The following PCDH9 variants were observed in gnomAD, a reference collection of about 807,000 sequenced individuals.
The protein encoded by PCDH9 is protocadherin 9.
In PCDH9, 24 loss-of-function variants were observed where a neutral mutation model predicts 70.6. The observed-to-expected ratio is 0.34, with a 90% CI of 0.25 to 0.48. PCDH9 has a LOEUF of 0.48. PCDH9 is among the 20% of genes least tolerant of loss of function. The pLI is 0.99. For missense variants in PCDH9, 1,281 were observed against 1,503.6 expected (o/e 0.85, Z 2.45); for synonymous variants, 562 against 558.5 (o/e 1.01, Z -0.09).
intron 4 of PCDH9, among the ~76,000 whole-genome samples, chr13:66,349,137 C>A (rs927232375): frequency 7.9e-5 from 12 of 152,308 alleles, no homozygotes; most frequent in African/African-American, 2.9e-4. Flanking sequence ...TAGAGGCCTG[C>A]TGGCATGAAG....
intron 2 of PCDH9, among the ~76,000 whole-genome samples, chr13:66,932,659 C>CACATATATATATATAT (rs1555287813): frequency 1.5e-5 from 2 of 130,356 alleles, no homozygotes; most frequent in African/African-American, 3.2e-5. Context: ...TAAATCCTCA[C>CACATATATATATATAT]ATATATATAT....
In PCDH9 at chr13:66,555,306, T is replaced by C. The variant is rs560859972; in HGVS notation, c.3340+75904A>G. ...TTCAAGTGTTTTTTGTGTCTTTTTA[T>C]AGATTCTCTAATATAATTAATGGAA... On this transcript the variant is annotated intron_variant, in intron 4 of 4. Coordinates refer to ENST00000377865, the MANE Select transcript of PCDH9 (RefSeq NM_203487.3). Among the ~76,000 whole-genome samples, 7 of 152,206 alleles carry C rather than the reference T, an allele frequency of 4.6e-5. No individual in the cohort carries two copies. In the South Asian group the frequency reaches 1.5e-3, roughly 32 times the overall value.
intron 4 of PCDH9, among the ~76,000 whole-genome samples, chr13:66,599,065 C>T (rs1240124558): frequency 2.6e-5 from 4 of 151,364 alleles, no homozygotes; most frequent in Non-Finnish European, 4.4e-5. Context: ...GAGTTATTTC[C>T]TTTTTTGTAA....
chr13:66,605,820 G>A (rs147981088), intron 4 of PCDH9, among the ~76,000 whole-genome samples: 15 of 151,760 alleles, frequency 9.9e-5, no homozygotes, highest in East Asian at 1.9e-4. Context: ...TTCTAGTGTC[G>A]GATAGTAAGA....
intron 3 of PCDH9, among the ~76,000 whole-genome samples, chr13:66,858,389 T>C (rs942176273): frequency 6.6e-6 from 1 of 152,322 alleles, no homozygotes; most frequent in Admixed American, 6.5e-5. Flanking sequence ...CCAAATTCGT[T>C]AGATGACATA....
chr13:66,656,781 A>G (rs1267714423), intron 3 of PCDH9, among the ~76,000 whole-genome samples: 1 of 152,166 alleles, frequency 6.6e-6, no homozygotes, highest in East Asian at 1.9e-4. Flanking sequence ...CAAGTTTGAA[A>G]TTTTTTTATG....
chr13:66,391,616 T>C (rs896275955), intron 4 of PCDH9, among the ~76,000 whole-genome samples: 2 of 152,112 alleles, frequency 1.3e-5, no homozygotes, highest in African/African-American at 2.4e-5. Context: ...GTATCATGAA[T>C]TGCAATTTTT....
At position 66,304,628 on chromosome 13, in the gene PCDH9, A is replaced by T; in HGVS notation, c.*27T>A. 1 of 1,588,390 alleles carries T rather than the reference A, an allele frequency of 6.3e-7. No individual in the cohort carries two copies. ...ACACGGTATTAGCATGTCTATTTAA[A>T]GTTATTAGGTCCCATATAGCCTTTT... On this transcript the variant is annotated 3_prime_UTR_variant, in exon 5 of 5. Transcript: ENST00000377865.
rs112438319 is a variant in PCDH9 at position 66,383,621 on chromosome 13, C to T, written c.3341-78593G>A. ...TAAAATAACATATACAAATCCTTTG[C>T]TATGTTTCATTGATGAGCTAAAATC... On this transcript the variant is annotated intron_variant, in intron 4 of 4. Transcript: ENST00000377865. 4.2e-3 allele frequency among the ~76,000 whole-genome samples: 634 copies of T among 152,266 alleles called. 3 individuals are homozygous for T. Among genetic ancestry groups the T allele is most frequent in the African/African-American group, 0.014 (602 of 41,560 alleles).
chr13:66,606,137 C>T (rs1232532197), intron 4 of PCDH9, among the ~76,000 whole-genome samples: 2 of 151,790 alleles, frequency 1.3e-5, no homozygotes, highest in Admixed American at 1.3e-4. Flanking sequence ...TTTTTTTTCC[C>T]CATGCAAAAC....
intron 2 of PCDH9, among the ~76,000 whole-genome samples, chr13:67,012,654 A>G (rs542535081): frequency 6.6e-6 from 1 of 152,016 alleles, no homozygotes; most frequent in African/African-American, 2.4e-5. Flanking sequence ...CATTTCATGA[A>G]CAGAAGAGAC....
chr13:66,814,151 C>T (rs572460642), intron 3 of PCDH9, among the ~76,000 whole-genome samples: 1 of 152,068 alleles, frequency 6.6e-6, no homozygotes, highest in African/African-American at 2.4e-5. Flanking sequence ...AGGTACTTAA[C>T]GCTCTTTTTA....
intron 2 of PCDH9, among the ~76,000 whole-genome samples, chr13:67,002,322 T>C (rs1344063879): frequency 6.6e-6 from 1 of 152,088 alleles, no homozygotes. Context: ...ACTTCCTAAT[T>C]AAACTCAAAT....
Position 67,005,540 on chromosome 13 carries a change from A to G in PCDH9, c.3037-101935T>C, listed in dbSNP as rs138841876. Among the ~76,000 whole-genome samples the G allele has an allele frequency of 1.7e-4, 26 of 152,258 alleles. No homozygotes were observed. The East Asian group carries it at 4.1e-3, about 24-fold the overall frequency. On this transcript the variant is annotated intron_variant, in intron 2 of 4. Transcript: ENST00000377865. ...TTAGGAATACCTTTCACTTTCCCCAAATATTCCGTGTATGCTCACTATGTT... is the reference window on the plus strand; with the variant it reads ...TTAGGAATACCTTTCACTTTCCCCAGATATTCCGTGTATGCTCACTATGTT...
At chr13:66,781,267 C>T (rs780909885) in intron 3 of PCDH9, among the ~76,000 whole-genome samples, 1 of 152,082 alleles carries the variant, frequency 6.6e-6, no homozygotes, top group Non-Finnish European at 1.5e-5. Context: ...TAGCTGAATG[C>T]GTGTAAGTCA....
At chr13:66,678,580 T>C (rs966564353) in intron 3 of PCDH9, among the ~76,000 whole-genome samples, 2 of 152,042 alleles carry the variant, frequency 1.3e-5, no homozygotes, top group Non-Finnish European at 2.9e-5. Flanking sequence ...AACTAAATAA[T>C]GGTTGATACT....
intron 2 of PCDH9, among the ~76,000 whole-genome samples, chr13:67,032,267 G>A (rs761263191): frequency 9.2e-5 from 14 of 151,832 alleles, no homozygotes; most frequent in Admixed American, 2.0e-4. Flanking sequence ...CCTCAACCTC[G>A]CAAGTAGCTG....
At chr13:66,502,518 A>T (rs1959182021) in intron 4 of PCDH9, among the ~76,000 whole-genome samples, 2 of 152,150 alleles carry the variant, frequency 1.3e-5, no homozygotes, top group Non-Finnish European at 2.9e-5. Context: ...CTATAAAAAA[A>T]TTTGTCATTT....
At chr13:66,509,678 C>A (rs1221922285) in intron 4 of PCDH9, among the ~76,000 whole-genome samples, 1 of 152,094 alleles carries the variant, frequency 6.6e-6, no homozygotes, top group Non-Finnish European at 1.5e-5. Flanking sequence ...GTCTCAAACT[C>A]CTGGGCTCAA....
Sources: allele counts gnomAD v4.1 joint callset (sites outside exome capture counted in the v4.1 genomes callset), GRCh38; gene constraint gnomAD v4.1.1; transcripts MANE v1.5; gene names NCBI Gene and HGNC (gene_info 2026-07-23, HGNC 2026-07-21).